The following MOSMO variants were observed in gnomAD, a reference collection of about 807,000 sequenced individuals.
MOSMO encodes the protein modulator of smoothened.
Under a neutral mutation model 18.4 loss-of-function variants are expected in MOSMO, and 5 were observed. That is an observed-to-expected ratio of 0.27 (90% confidence interval 0.14 to 0.57). MOSMO has a LOEUF of 0.57. Among genes scored for constraint, MOSMO ranks in the 20% least tolerant of loss-of-function variants. The probability of loss-of-function intolerance (pLI) is 0.92; values close to 1 mark genes in which losing one functional copy is unlikely to be tolerated. For synonymous variants in MOSMO, 82 were observed against 82.3 expected, an observed-to-expected ratio of 1.00 and a Z score of 0.02; for missense variants, 138 against 211.8, an observed-to-expected ratio of 0.65 and a Z score of 2.16.
intron 1 of MOSMO, among the ~76,000 whole-genome samples, chr16:22,034,196 G>A (rs1311882506): frequency 2.0e-5 from 3 of 152,160 alleles, no homozygotes; most frequent in African/African-American, 4.8e-5. Flanking sequence ...TCCATAAGCT[G>A]TAATCACTGA....
chr16:22,034,652 C>G (rs919934806), intron 1 of MOSMO, among the ~76,000 whole-genome samples: 2 of 141,090 alleles, frequency 1.4e-5, no homozygotes, highest in Non-Finnish European at 3.0e-5. Flanking sequence ...CTTTGATTTT[C>G]TACAATTTGA....
intron 1 of MOSMO, among the ~76,000 whole-genome samples, chr16:22,018,318 C>T (rs2141982689): frequency 6.6e-6 from 1 of 152,164 alleles, no homozygotes; most frequent in East Asian, 1.9e-4. Context: ...AAGTTGTTTA[C>T]CTGGAACATG....
At chr16:22,015,174 A>G (rs1899612344) in intron 1 of MOSMO, among the ~76,000 whole-genome samples, 2 of 152,170 alleles carry the variant, frequency 1.3e-5, no homozygotes, top group South Asian at 2.1e-4. Context: ...GACATTTCCA[A>G]TCATAGAATC....
At chr16:22,073,554 T>TG (rs1201367714) in intron 1 of MOSMO, among the ~76,000 whole-genome samples, 2 of 151,990 alleles carry the variant, frequency 1.3e-5, no homozygotes, top group South Asian at 2.1e-4. Flanking sequence ...AGTTTTTTTT[T>TG]TTTTGTTTTC....
chr16:22,092,279 C>T (rs1335740842), downstream of MOSMO: 1 of 196,014 alleles, frequency 5.1e-6, no homozygotes, highest in African/African-American at 2.3e-5. Flanking sequence ...CAGGCACGCA[C>T]CAGGGCTGTA....
intron 1 of MOSMO, among the ~76,000 whole-genome samples, chr16:22,062,589 A>G (rs1900668863): frequency 6.6e-6 from 1 of 152,178 alleles, no homozygotes; most frequent in Admixed American, 6.5e-5. Flanking sequence ...AAGGGCTGGG[A>G]TTACAGATGT....
intron 1 of MOSMO, among the ~76,000 whole-genome samples, chr16:22,056,258 G>A (rs1311272745): frequency 6.6e-6 from 1 of 151,702 alleles, no homozygotes; most frequent in Non-Finnish European, 1.5e-5. Flanking sequence ...TATATTCTAG[G>A]ACATCTGCCA....
intron 1 of MOSMO, among the ~76,000 whole-genome samples, chr16:22,056,493 C>T (rs1900539083): frequency 6.7e-6 from 1 of 150,336 alleles, no homozygotes; most frequent in Admixed American, 6.6e-5. Context: ...GCCTCAGGCT[C>T]CTGAGTAGCT....
chr16:22,089,857 G>A (rs903960252), downstream of MOSMO, among the ~76,000 whole-genome samples: 3 of 151,852 alleles, frequency 2.0e-5, no homozygotes, highest in African/African-American at 7.2e-5. Context: ...CATGGAACAA[G>A]TTTCTACTCC....
intron 1 of MOSMO, among the ~76,000 whole-genome samples, chr16:22,009,140 G>T (rs886733921): frequency 6.6e-6 from 1 of 152,216 alleles, no homozygotes. Context: ...TCCCTTTGAA[G>T]TGTGTATGTG....
chr16:22,021,596 G>A (rs1003624191), intron 1 of MOSMO, among the ~76,000 whole-genome samples: 2 of 152,032 alleles, frequency 1.3e-5, no homozygotes, highest in African/African-American at 2.4e-5. Flanking sequence ...CAAGGAGTTC[G>A]AGACCAGCCT....
downstream of MOSMO, chr16:22,085,512 G>A (rs1598030750): frequency 6.6e-6 from 1 of 152,250 alleles, no homozygotes; most frequent in Non-Finnish European, 1.5e-5. Context: ...GATTTATGCT[G>A]AGCTGCTATG....
intron 1 of MOSMO, among the ~76,000 whole-genome samples, chr16:22,047,015 T>C (rs992209395): frequency 2.0e-5 from 3 of 152,042 alleles, no homozygotes; most frequent in Non-Finnish European, 4.4e-5. Context: ...CATCCCTACC[T>C]TTTTCACCCC....
At chr16:22,064,634 T>A (rs1900714930) in intron 1 of MOSMO, among the ~76,000 whole-genome samples, 1 of 152,260 alleles carries the variant, frequency 6.6e-6, no homozygotes, top group Non-Finnish European at 1.5e-5. Flanking sequence ...CATACATGAT[T>A]GAAAGATTTC....
At chr16:22,031,696 T>A (rs934219632) in intron 1 of MOSMO, among the ~76,000 whole-genome samples, 1 of 152,236 alleles carries the variant, frequency 6.6e-6, no homozygotes, top group Non-Finnish European at 1.5e-5. Flanking sequence ...GTACTTCATT[T>A]TTATTACCAA....
rs1036440230 is a variant in MOSMO, at chr16:22,019,253, C to T, written c.106+10846C>T. ...TGGCCTTAGATCCTGCTTTTTTCCC[C>T]GCATGAATGTACATTCTAGCCCCTC... On this transcript the variant is annotated intron_variant, in intron 1 of 2. Coordinates refer to ENST00000542527, the MANE Select transcript of MOSMO (RefSeq NM_001164579.2). Among the ~76,000 whole-genome samples the T allele has an allele frequency of 2.6e-5, 4 of 152,138 alleles. No homozygotes were observed. The East Asian group carries it at 5.8e-4, about 22-fold the overall frequency.
intron 1 of MOSMO, among the ~76,000 whole-genome samples, chr16:22,011,706 G>C (rs559494638): frequency 3.9e-5 from 6 of 152,242 alleles, no homozygotes; most frequent in Non-Finnish European, 2.9e-5. Context: ...GCCATCTCAG[G>C]ATACCACTCC....
intron 1 of MOSMO, among the ~76,000 whole-genome samples, chr16:22,060,414 A>AT (rs1459878187): frequency 6.6e-6 from 1 of 152,232 alleles, no homozygotes; most frequent in Admixed American, 6.5e-5. Flanking sequence ...ACATGAACAT[A>AT]TGTTCTATAT....
intron 1 of MOSMO, among the ~76,000 whole-genome samples, chr16:22,067,803 C>T (rs993348592): frequency 6.6e-6 from 1 of 152,072 alleles, no homozygotes; most frequent in African/African-American, 2.4e-5. Context: ...CGCTTGAAAC[C>T]TGGTAGGCAG....
Sources: gnomAD v4.1 joint callset for allele counts (sites outside exome capture counted in the v4.1 genomes callset) on GRCh38, gnomAD v4.1.1 for gene constraint, MANE v1.5 for transcripts, NCBI Gene and HGNC (gene_info 2026-07-23, HGNC 2026-07-21) for gene names.